COL8A1: variants seen among roughly 807,000 people sequenced by gnomAD.
COL8A1 encodes the protein collagen alpha-1(VIII) chain.
A neutral mutation model predicts 42.7 loss-of-function variants in COL8A1; 21 were observed. The ratio of observed to expected loss-of-function variants is 0.49; its 90% CI spans 0.35 to 0.71. The LOEUF (loss-of-function observed/expected upper bound fraction) is 0.71, where lower values mean the gene tolerates loss of function less well. Among genes scored for constraint, COL8A1 ranks in the 30% least tolerant of loss-of-function variants. The pLI is 0.01. For synonymous variants in COL8A1, 367 were observed against 369.1 expected (o/e 0.99, Z 0.06); for missense variants, 788 against 962.4 (o/e 0.82, Z 2.40).
chr3:99,683,667 C>T (rs1559777845), intron 1 of COL8A1, among the ~76,000 whole-genome samples: 2 of 151,804 alleles, frequency 1.3e-5, no homozygotes, highest in African/African-American at 2.4e-5. Context: ...CACAAGATTT[C>T]TTCCAGCCTG....
At chr3:99,721,557 C>A (rs574693560) in intron 1 of COL8A1, among the ~76,000 whole-genome samples, 2 of 151,928 alleles carry the variant, frequency 1.3e-5, no homozygotes, top group South Asian at 2.1e-4. Flanking sequence ...CCAAAGGAAA[C>A]GGCTGGAAAC....
intron 1 of COL8A1, among the ~76,000 whole-genome samples, chr3:99,730,080 G>T (rs1023129501): frequency 1.3e-5 from 2 of 152,136 alleles, no homozygotes; most frequent in East Asian, 1.9e-4. Flanking sequence ...AGAATAGGCA[G>T]TTCCTTTCTT....
intron 1 of COL8A1, among the ~76,000 whole-genome samples, chr3:99,690,921 C>G (rs531955): frequency 6.6e-6 from 1 of 152,058 alleles, no homozygotes; most frequent in Non-Finnish European, 1.5e-5. Flanking sequence ...TGCAACAAAT[C>G]TAATTTTCCT....
chr3:99,753,754 C>T (rs1015057993), intron 2 of COL8A1, among the ~76,000 whole-genome samples: 1 of 152,106 alleles, frequency 6.6e-6, no homozygotes, highest in African/African-American at 2.4e-5. Context: ...AAAATAAATA[C>T]ATATATAGTA....
chr3:99,779,897 C>T (rs976567741), intron 2 of COL8A1, among the ~76,000 whole-genome samples: 5 of 152,130 alleles, frequency 3.3e-5, no homozygotes, highest in African/African-American at 4.8e-5. Flanking sequence ...AAGTTATCAT[C>T]GATCTCAAGA....
intron 1 of COL8A1, among the ~76,000 whole-genome samples, chr3:99,646,484 A>G (rs1937643116): frequency 6.6e-6 from 1 of 152,164 alleles, no homozygotes; most frequent in Non-Finnish European, 1.5e-5. Context: ...TTTTTAAATA[A>G]CTACCTTCTT....
chr3:99,780,532 A>C (rs997881883), intron 2 of COL8A1, among the ~76,000 whole-genome samples: 2 of 152,226 alleles, frequency 1.3e-5, no homozygotes, highest in Admixed American at 1.3e-4. Flanking sequence ...AAGTTTACAG[A>C]GAAGACTCTG....
At chr3:99,643,742 C>T (rs931751953) in intron 1 of COL8A1, among the ~76,000 whole-genome samples, 1 of 152,126 alleles carries the variant, frequency 6.6e-6, no homozygotes, top group African/African-American at 2.4e-5. Flanking sequence ...TACTTGAGTT[C>T]TAGAAACTGT....
At chr3:99,694,463 G>A (rs1576434288) in intron 1 of COL8A1, among the ~76,000 whole-genome samples, 1 of 151,774 alleles carries the variant, frequency 6.6e-6, no homozygotes, top group African/African-American at 2.4e-5. Flanking sequence ...GCAACAAAGT[G>A]AGACTCCATC....
chr3:99,725,217 T>C lies in COL8A1; in HGVS notation c.-128-19680T>C, dbSNP rs118058556. ...GGGAAGAAGAGGAATCATCCAAGAG[T>C]TGGATTCTCACCGAACTCTCCCTGG... On this transcript the variant is annotated intron_variant, in intron 1 of 3. Transcript: ENST00000652472. Among the ~76,000 whole-genome samples, 5 of 152,048 alleles carry C rather than the reference T, an allele frequency of 3.3e-5. No homozygotes were observed. The East Asian group carries it at 9.7e-4, about 30-fold the overall frequency.
At chr3:99,723,551 C>T (rs1175153766) in intron 1 of COL8A1, among the ~76,000 whole-genome samples, 2 of 152,124 alleles carry the variant, frequency 1.3e-5, no homozygotes, top group African/African-American at 2.4e-5. Context: ...AATTGTAATA[C>T]ATTCTTGTTT....
At chr3:99,644,595 A>C (rs934808958) in intron 1 of COL8A1, among the ~76,000 whole-genome samples, 1 of 152,202 alleles carries the variant, frequency 6.6e-6, no homozygotes, top group Non-Finnish European at 1.5e-5. Flanking sequence ...GTGTGTTTCT[A>C]AAATCGATCT....
At chr3:99,759,364 T>C (rs1941322555) in intron 2 of COL8A1, among the ~76,000 whole-genome samples, 1 of 152,122 alleles carries the variant, frequency 6.6e-6, no homozygotes, top group Admixed American at 6.6e-5. Flanking sequence ...TCTCAGAGCT[T>C]CTAAAATTTA....
chr3:99,729,319 AAACT>A (rs1940431124), intron 1 of COL8A1, among the ~76,000 whole-genome samples: 1 of 151,992 alleles, frequency 6.6e-6, no homozygotes, highest in Admixed American at 6.6e-5. Context: ...TCTTTATTCC[AAACT>A]AATAGAATCC....
chr3:99,701,009 G>A (rs55975637), intron 1 of COL8A1, among the ~76,000 whole-genome samples: 14,971 of 152,214 alleles, frequency 0.098, 894 homozygotes, highest in Middle Eastern at 0.14. Flanking sequence ...CCTAAGGTCA[G>A]AAGGTGTTGT....
At chr3:99,755,586 G>A (rs1453017418) in intron 2 of COL8A1, among the ~76,000 whole-genome samples, 1 of 152,178 alleles carries the variant, frequency 6.6e-6, no homozygotes, top group Admixed American at 6.6e-5. Context: ...ATAAGGGAAA[G>A]GGATAGAGAA....
chr3:99,740,876 T>A (rs1375339143), intron 1 of COL8A1, among the ~76,000 whole-genome samples: 2 of 152,118 alleles, frequency 1.3e-5, no homozygotes, highest in African/African-American at 4.8e-5. Flanking sequence ...ATAAAATACA[T>A]AATTTATTTA....
intron 2 of COL8A1, among the ~76,000 whole-genome samples, chr3:99,763,756 A>T (rs1045424890): frequency 2.0e-5 from 3 of 152,154 alleles, no homozygotes; most frequent in Non-Finnish European, 2.9e-5. Context: ...GTGGTCTACC[A>T]CCCAAGGACT....
chr3:99,691,096 G>A (rs1939206716), intron 1 of COL8A1, among the ~76,000 whole-genome samples: 1 of 152,262 alleles, frequency 6.6e-6, no homozygotes, highest in South Asian at 2.1e-4. Context: ...GCGGGCTTGA[G>A]CATGCACGAA....
Sources: gnomAD v4.1 joint callset for allele counts (sites outside exome capture counted in the v4.1 genomes callset) on GRCh38, gnomAD v4.1.1 for gene constraint, MANE v1.5 for transcripts, NCBI Gene and HGNC (gene_info 2026-07-23, HGNC 2026-07-21) for gene names.